The following GRAP variants were observed in gnomAD, a reference collection of about 807,000 sequenced individuals.
The protein encoded by GRAP is GRB2 related adaptor protein, also known as GRB2-related adapter protein.
Under a neutral mutation model 9.1 loss-of-function variants are expected in GRAP, and 2 were observed. That is an observed-to-expected ratio of 0.22 (90% CI 0.09 to 0.69). GRAP has a LOEUF of 0.69. GRAP is among the 30% of genes least tolerant of loss of function. The pLI is 0.81. For synonymous variants in GRAP, 68 were observed against 73.6 expected (o/e 0.92, Z 0.39); for missense variants, 113 against 179.4 (o/e 0.63, Z 2.12).
In GRAP at chr17:19,021,662, G is replaced by C. The variant is rs1408826471; in HGVS notation, c.*297C>G. ...AACCTTCCTGGCAGATGGGGCCATT[G>C]ACAAGAGGAGGTGGGCGGGGCCTCC... On this transcript the variant is annotated 3_prime_UTR_variant, in exon 5 of 5. Transcript: ENST00000284154. The surrounding 1 kb of genome is among the most constrained non-coding windows in gnomAD (Gnocchi z 4.1). 5.0e-6 allele frequency: 2 copies of C among 397,600 alleles called. No homozygotes were observed. The highest frequency in any genetic ancestry group is 8.9e-6 in the Non-Finnish European group (2 of 225,972). 24.6% of individuals were successfully genotyped at this position (397,600 alleles called of 1,614,324 possible). A position where few individuals can be genotyped will look rare whatever the true frequency, so the allele number is the denominator to read the frequency against.
chr17:19,048,178 A>G (rs1260533144), upstream of GRAP, among the ~76,000 whole-genome samples: 8 of 127,934 alleles, frequency 6.3e-5, no homozygotes, highest in East Asian at 8.0e-4. Flanking sequence ...AAAAAAAAAA[A>G]AGAGAATTGT....
Position 19,024,557 on chromosome 17 carries a change from G to C in GRAP, c.300-174C>G. The C allele has an allele frequency of 2.9e-6, 2 of 698,846 alleles. No individual in the cohort carries two copies. Among genetic ancestry groups the C allele is most frequent in the Non-Finnish European group, 3.5e-6 (2 of 568,196 alleles). The allele number at this position is 698,846 out of a possible 1,614,324, so 43.3% of individuals were successfully genotyped here. The stretch of plus-strand genomic sequence containing the variant: ...GACCCAGCTCCACATGGGGTCTGGG[G>C]AGTCCCATCTGGCAGTGGAATATGG... On this transcript the variant is annotated intron_variant, in intron 3 of 4. Transcript: ENST00000284154. The surrounding 1 kb of genome is among the most constrained non-coding windows in gnomAD (Gnocchi z 4.2).
chr17:19,043,947 T>C (rs1323956333), intron 1 of GRAP, among the ~76,000 whole-genome samples: 2 of 145,010 alleles, frequency 1.4e-5, no homozygotes, highest in Non-Finnish European at 3.1e-5. Context: ...AATTTCTTTT[T>C]CTTTTTTCTT....
In GRAP at chr17:19,021,904, TC is replaced by T. The variant is rs762967703; in HGVS notation, c.*54del. 1 of 1,437,736 alleles carries T rather than the reference TC, an allele frequency of 7.0e-7. No homozygotes were observed. Among genetic ancestry groups the T allele is most frequent in the Non-Finnish European group, 9.1e-7 (1 of 1,094,374 alleles). The allele number at this position is 1,437,736 out of a possible 1,614,324, so 89.1% of individuals were successfully genotyped here. ...CAGAGCTGGGGGTGTCCATGTCCTC[TC>T]TGGACCTCAGTTCCTGTAAAAAGGC... On this transcript the variant is annotated 3_prime_UTR_variant, in exon 5 of 5. Coordinates refer to ENST00000284154, the MANE Select transcript of GRAP (RefSeq NM_006613.4). This position sits in a 1 kb window ranked among gnomAD's most constrained non-coding sequence, Gnocchi z 4.1.
chr17:19,021,866 C>T lies in GRAP; in HGVS notation c.*93G>A, dbSNP rs769503688. 26 of 1,316,228 alleles carry T rather than the reference C, an allele frequency of 2.0e-5. No individual in the cohort carries two copies. The highest frequency in any genetic ancestry group is 6.8e-5 in the Admixed American group (2 of 29,426). The allele number at this position is 1,316,228 out of a possible 1,614,324, so 81.5% of individuals were successfully genotyped here. A position where few individuals can be genotyped will look rare whatever the true frequency, so the allele number is the denominator to read the frequency against. ...CAGTCCAAGGCCGTCCACTGAGCCCCGTGTGACTCTGACAGAGCTGGGGGT... is the reference window on the plus strand; with the variant it reads ...CAGTCCAAGGCCGTCCACTGAGCCCTGTGTGACTCTGACAGAGCTGGGGGT... On this transcript the variant is annotated 3_prime_UTR_variant, in exon 5 of 5. Coordinates refer to ENST00000284154, the MANE Select transcript of GRAP (RefSeq NM_006613.4). The surrounding 1 kb of genome is among the most constrained non-coding windows in gnomAD (Gnocchi z 4.1).
Position 19,024,711 on chromosome 17 carries a change from G to C in GRAP, c.300-328C>G, listed in dbSNP as rs1282863867. ...CATCTCCGTTATGGATAAGTGCACA[G>C]TGACTGGCATATTGGCAACGTGAAA... On this transcript the variant is annotated intron_variant, in intron 3 of 4. Coordinates refer to ENST00000284154, the MANE Select transcript of GRAP (RefSeq NM_006613.4). This position sits in a 1 kb window ranked among gnomAD's most constrained non-coding sequence, Gnocchi z 4.2. Among the ~76,000 whole-genome samples the C allele has an allele frequency of 6.6e-6, 1 of 152,182 alleles. No homozygotes were observed. The highest frequency in any genetic ancestry group is 1.5e-5 in the Non-Finnish European group (1 of 68,022).
chr17:19,048,736 C>CA (rs564931893), upstream of GRAP, among the ~76,000 whole-genome samples: 204 of 43,314 alleles, frequency 4.7e-3, 4 homozygotes, highest in Middle Eastern at 0.047. Flanking sequence ...GACTCCATCT[C>CA]AAAAAAAAAA....
In GRAP at chr17:19,020,987, C is replaced by T. The variant is rs2044255625; in HGVS notation, c.*972G>A. The T allele has an allele frequency of 6.4e-6, 1 of 156,586 alleles. No individual in the cohort carries two copies. Among genetic ancestry groups the T allele is most frequent in the African/African-American group, 2.4e-5 (1 of 41,468 alleles). 9.7% of individuals were successfully genotyped at this position (156,586 alleles called of 1,614,324 possible). On this transcript the variant is annotated 3_prime_UTR_variant, in exon 5 of 5. Coordinates refer to ENST00000284154, the MANE Select transcript of GRAP (RefSeq NM_006613.4). The stretch of plus-strand genomic sequence containing the variant: ...AGTCCCACCTCACTTTTCCCTCTCC[C>T]AAAGGTGCCCAGGCTCTGGGCAGGC...
Position 19,027,480 on chromosome 17 carries a change from G to GCACA in GRAP, c.300-3098_300-3097insTGTG, listed in dbSNP as rs771916548. ...CTTGATGGGACACATGCGCGCGCGC[G>GCACA]CGCGCACACACACACACACACACAC... On this transcript the variant is annotated intron_variant, in intron 3 of 4. Transcript: ENST00000284154. 2.7e-3 allele frequency among the ~76,000 whole-genome samples: 188 copies of GCACA among 69,406 alleles called. 1 individual carries two copies. The highest frequency in any genetic ancestry group is 0.017 in the Middle Eastern group (2 of 120). 45.5% of individuals were successfully genotyped at this position (69,406 alleles called of 152,430 possible).
intron 3 of GRAP, among the ~76,000 whole-genome samples, chr17:19,027,476 G>GCA (rs1185184974): frequency 6.2e-5 from 5 of 80,144 alleles, no homozygotes; most frequent in Non-Finnish European, 1.3e-4. Flanking sequence ...ACATGCGCGC[G>GCA]CGCGCGCGCA....
chr17:19,023,293 T>A (rs1201942764), intron 4 of GRAP, among the ~76,000 whole-genome samples: 2 of 152,160 alleles, frequency 1.3e-5, no homozygotes, highest in African/African-American at 4.8e-5. Flanking sequence ...ACTGAGGGGA[T>A]GAACTGGCCT....
chr17:19,024,705 T>A lies in GRAP; in HGVS notation c.300-322A>T, dbSNP rs540067427. ...TGATAACATCTCCGTTATGGATAAGTGCACAGTGACTGGCATATTGGCAAC... is the reference window on the plus strand; with the variant it reads ...TGATAACATCTCCGTTATGGATAAGAGCACAGTGACTGGCATATTGGCAAC... On this transcript the variant is annotated intron_variant, in intron 3 of 4. Transcript: ENST00000284154. This position sits in a 1 kb window ranked among gnomAD's most constrained non-coding sequence, Gnocchi z 4.2. 6.6e-6 allele frequency among the ~76,000 whole-genome samples: 1 copy of A among 152,304 alleles called. No homozygotes were observed. Among genetic ancestry groups the A allele is most frequent in the South Asian group, 2.1e-4 (1 of 4,832 alleles).
chr17:19,043,628 C>CA (rs1453678082), intron 1 of GRAP, among the ~76,000 whole-genome samples: 2 of 150,208 alleles, frequency 1.3e-5, no homozygotes, highest in East Asian at 2.1e-4. Context: ...GACTCCGTCT[C>CA]AAAAAAACAA....
At chr17:19,025,194 C>CT (rs577399592) in intron 3 of GRAP, among the ~76,000 whole-genome samples, 20,031 of 117,472 alleles carry the variant, frequency 0.17, 1,802 homozygotes, top group Non-Finnish European at 0.25. Context: ...CTTTTCTTTT[C>CT]TTTTTTTTTT....
intron 3 of GRAP, among the ~76,000 whole-genome samples, chr17:19,025,266 A>G (rs2044306197): frequency 6.9e-6 from 1 of 144,032 alleles, no homozygotes. Flanking sequence ...ATCTCGGCTC[A>G]CTGCAAGCTC....
In GRAP at chr17:19,021,952, G is replaced by T; in HGVS notation, c.*7C>A. 6.6e-7 allele frequency: 1 copy of T among 1,515,452 alleles called. No homozygotes were observed. The highest frequency in any genetic ancestry group is 8.8e-7 in the Non-Finnish European group (1 of 1,132,712). 93.9% of individuals were successfully genotyped at this position (1,515,452 alleles called of 1,614,324 possible). On this transcript the variant is annotated 3_prime_UTR_variant, in exon 5 of 5. Transcript: ENST00000284154. The surrounding 1 kb of genome is among the most constrained non-coding windows in gnomAD (Gnocchi z 4.1). ...AGGCCCGTTGGCCAGATCGGCCGCC[G>T]GGCTGCTCACAGGTGCACGGGCTGC...
intron 3 of GRAP, among the ~76,000 whole-genome samples, chr17:19,025,129 A>T (rs2044303768): frequency 6.6e-6 from 1 of 151,240 alleles, no homozygotes; most frequent in Non-Finnish European, 1.5e-5. Context: ...CTACCGCCAA[A>T]TCGCCCCGAG....
rs1229399459 is a variant in GRAP, at chr17:19,024,199, C to A, written c.468+16G>T. 5.1e-6 allele frequency: 8 copies of A among 1,568,224 alleles called. No individual in the cohort carries two copies. The Middle Eastern group carries it at 8.4e-4, about 164-fold the overall frequency. On this transcript the variant is annotated intron_variant, in intron 4 of 4. Transcript: ENST00000284154. The surrounding 1 kb of genome is among the most constrained non-coding windows in gnomAD (Gnocchi z 4.2). Reference sequence around the variant, plus strand: ...TGCAGAGAGGCTCCCACAGGCCAGCCCCCACCCGCCCCTACCTTGAGCAAG... The same window carrying A: ...TGCAGAGAGGCTCCCACAGGCCAGCACCCACCCGCCCCTACCTTGAGCAAG...
At chr17:19,023,249 G>A (rs2044287295) in intron 4 of GRAP, among the ~76,000 whole-genome samples, 1 of 152,172 alleles carries the variant, frequency 6.6e-6, no homozygotes, top group South Asian at 2.1e-4. Flanking sequence ...TGGCATATCA[G>A]ACCCCAGGGC....
Sources: gnomAD v4.1 joint callset for allele counts (sites outside exome capture counted in the v4.1 genomes callset) on GRCh38, gnomAD v4.1.1 for gene constraint, Gnocchi (gnomAD v3.1) non-coding constraint, MANE v1.5 for transcripts, NCBI Gene and HGNC (gene_info 2026-07-23, HGNC 2026-07-21) for gene names.